TG: variants seen among roughly 807,000 people sequenced by gnomAD.
The protein encoded by TG is thyroglobulin.
TG carries 270 observed loss-of-function variants against 324.7 expected under a neutral mutation model. That is an observed-to-expected ratio of 0.83 (90% CI 0.75 to 0.92). The LOEUF (loss-of-function observed/expected upper bound fraction) is 0.92. Ranked by LOEUF, TG falls within the 40% of genes least tolerant of loss-of-function variation. The pLI is 0.00. For synonymous variants in TG, 1,401 were observed against 1,327.0 expected, an observed-to-expected ratio of 1.06 and a Z score of -1.21; for missense variants, 3,591 against 3,456.4, an observed-to-expected ratio of 1.04 and a Z score of -0.98.
At chr8:133,040,541 C>CGTTAAATGGTTAAATGGTTAAATGGTTA (rs1838022983) in intron 41 of TG, among the ~76,000 whole-genome samples, 1 of 152,200 alleles carries the variant, frequency 6.6e-6, no homozygotes, top group Non-Finnish European at 1.5e-5. Flanking sequence ...CGCAAATGCC[C>CGTTAAATGGTTAAATGGTTAAATGGTTA]AATCCATTAA....
Position 132,886,701 on chromosome 8 carries a change from C to T in TG, c.1329C>T (p.Ala443=). 1 of 1,614,214 alleles carries T rather than the reference C, an allele frequency of 6.2e-7. No homozygotes were observed. The highest frequency in any genetic ancestry group is 8.5e-7 in the Non-Finnish European group (1 of 1,180,048). The change falls in exon 9 of 48, where the codon GCC becomes GCT. Residue 443 remains alanine, a synonymous_variant. Transcript: ENST00000220616. ...TCTCAGAAAATCTTCTCAAAGAAGCCATCCGAGCAATTTTTCCCTCCCGAG... is the reference window on the plus strand; with the variant it reads ...TCTCAGAAAATCTTCTCAAAGAAGCTATCCGAGCAATTTTTCCCTCCCGAG... ...FSVSENLLKE[A]IRAIFPSRGL...
chr8:133,133,717 T>G, intron 47 of TG, 57 bp downstream of exon 47: 1 of 1,571,946 alleles, frequency 6.4e-7, no homozygotes, highest in Admixed American at 1.8e-5. Context: ...GCATCTGCTG[T>G]GCTCGCTGCA....
chr8:133,133,447 T>A (rs767768072), intron 46 of TG, 23 bp from the exon 47 acceptor site: 2 of 1,612,280 alleles, frequency 1.2e-6, no homozygotes, highest in Non-Finnish European at 1.7e-6. Flanking sequence ...CTCATGGATA[T>A]TTCTTTCTTC....
At chr8:132,881,116 T>A (rs1187236051) in intron 5 of TG, among the ~76,000 whole-genome samples, 3 of 152,214 alleles carry the variant, frequency 2.0e-5, no homozygotes, top group Non-Finnish European at 4.4e-5. Flanking sequence ...AGATGAACAG[T>A]TCCTCTCTGG....
chr8:132,898,958 G>C, intron 14 of TG, 48 bp downstream of exon 14: 5 of 1,489,022 alleles, frequency 3.4e-6, no homozygotes, highest in Non-Finnish European at 4.6e-6. Context: ...GTCCCCGCTG[G>C]TCAGAGATGA....
At chr8:133,018,483 A>C (rs1316083617) in intron 38 of TG, among the ~76,000 whole-genome samples, 2 of 152,098 alleles carry the variant, frequency 1.3e-5, no homozygotes, top group Non-Finnish European at 2.9e-5. Context: ...TTGAAGGGAA[A>C]GTAAATGAGC....
intron 14 of TG, among the ~76,000 whole-genome samples, chr8:132,899,423 G>A (rs1005491494): frequency 4.6e-5 from 7 of 152,130 alleles, no homozygotes; most frequent in Admixed American, 6.5e-5. Context: ...GCCAAGTGAG[G>A]GAAATCTCTG....
intron 26 of TG, among the ~76,000 whole-genome samples, chr8:132,947,683 G>T (rs1327231530): frequency 2.0e-5 from 3 of 151,708 alleles, no homozygotes; most frequent in Non-Finnish European, 4.4e-5. Flanking sequence ...CTCCCTAAAA[G>T]GTTTATTTAT....
rs144222648 is a variant in TG at position 132,930,904 on chromosome 8, A to G, written c.4816+1712A>G. Among the ~76,000 whole-genome samples, 74 of 152,334 alleles carry G rather than the reference A, an allele frequency of 4.9e-4. No homozygotes were observed. In the East Asian group the frequency reaches 9.3e-3, roughly 19 times the overall value. ...CATCAAGGAGGTCCAGCAAGATGCCATCCTATCAGACAAACGAGAGCAGAG... is the reference window on the plus strand; with the variant it reads ...CATCAAGGAGGTCCAGCAAGATGCCGTCCTATCAGACAAACGAGAGCAGAG... On this transcript the variant is annotated intron_variant, in intron 23 of 47. Coordinates refer to ENST00000220616, the MANE Select transcript of TG (RefSeq NM_003235.5).
intron 32 of TG, among the ~76,000 whole-genome samples, chr8:132,970,960 C>T (rs1829425030): frequency 6.6e-6 from 1 of 152,104 alleles, no homozygotes; most frequent in Non-Finnish European, 1.5e-5. Flanking sequence ...AGCATCACCG[C>T]TGGGATGTGG....
intron 10 of TG, among the ~76,000 whole-genome samples, chr8:132,892,384 C>T (rs1006319272): frequency 6.6e-6 from 1 of 152,186 alleles, no homozygotes; most frequent in African/African-American, 2.4e-5. Context: ...TATGACTTCT[C>T]CATGCCTCAG....
At chr8:132,997,380 A>AG (rs1197256973) in intron 35 of TG, among the ~76,000 whole-genome samples, 2 of 152,216 alleles carry the variant, frequency 1.3e-5, no homozygotes, top group African/African-American at 4.8e-5. Context: ...GAGCTTGGGC[A>AG]GAGGGTCTAG....
chr8:133,045,156 C>T, intron 41 of TG: 1 of 1,610,974 alleles, frequency 6.2e-7, no homozygotes, highest in Non-Finnish European at 8.5e-7. Context: ...TCCACCTGTC[C>T]TCACCCCAAG....
At chr8:132,902,350 G>A (rs76124229) in intron 16 of TG, among the ~76,000 whole-genome samples, 4,689 of 152,168 alleles carry the variant, frequency 0.031, 177 homozygotes, top group East Asian at 0.086. Context: ...AATTTAATTG[G>A]GTCTAGTGAT....
intron 25 of TG, among the ~76,000 whole-genome samples, chr8:132,939,580 T>C (rs79876845): frequency 0.025 from 3,730 of 152,240 alleles, 151 homozygotes; most frequent in African/African-American, 0.085. Context: ...CGCTGGCTTT[T>C]TGGAGATACA....
At chr8:133,048,922 G>A (rs1200450754) in intron 41 of TG, 1 of 269,940 alleles carries the variant, frequency 3.7e-6, no homozygotes, top group Non-Finnish European at 7.6e-6. Flanking sequence ...TGAGCATGTG[G>A]CATGTAGAGT....
chr8:133,031,810 C>T (rs1279848843), intron 41 of TG, among the ~76,000 whole-genome samples: 1 of 152,176 alleles, frequency 6.6e-6, no homozygotes, highest in Non-Finnish European at 1.5e-5. Flanking sequence ...CTCATACAGG[C>T]AGTTTCCTTT....
At chr8:132,928,003 T>G (rs113655193) in intron 22 of TG, among the ~76,000 whole-genome samples, 21 of 152,206 alleles carry the variant, frequency 1.4e-4, no homozygotes, top group Non-Finnish European at 2.6e-4. Context: ...CAGAATTCTT[T>G]TCTCTATCAA....
At chr8:133,048,016 G>T in intron 41 of TG, 1 of 760,098 alleles carries the variant, frequency 1.3e-6, no homozygotes, top group Non-Finnish European at 2.2e-6. Flanking sequence ...ACCGTACTAA[G>T]CACCTGAAAC....
Sources: gnomAD v4.1 joint callset for allele counts (sites outside exome capture counted in the v4.1 genomes callset) on GRCh38, gnomAD v4.1.1 for gene constraint, MANE v1.5 for transcripts, NCBI Gene and HGNC (gene_info 2026-07-23, HGNC 2026-07-21) for gene names.